The following ADGRB3 variants were observed in gnomAD, a reference collection of about 807,000 sequenced individuals.
ADGRB3 encodes the protein brain-specific angiogenesis inhibitor 3.
Under a neutral mutation model 193.4 loss-of-function variants are expected in ADGRB3, and 37 were observed. The observed-to-expected ratio is 0.19, with a 90% CI of 0.15 to 0.25. The LOEUF is 0.25. Ranked by LOEUF, ADGRB3 falls within the 10% of genes least tolerant of loss-of-function variation. The pLI, the probability that ADGRB3 is intolerant of heterozygous loss-of-function variation, is 1.00. For synonymous variants in ADGRB3, 690 were observed against 644.2 expected (o/e 1.07, Z -1.08); for missense variants, 1,637 against 1,852.9 (o/e 0.88, Z 2.14).
intron 17 of ADGRB3, among the ~76,000 whole-genome samples, chr6:69,118,409 AG>A (rs1380139991): frequency 6.6e-6 from 1 of 151,930 alleles, no homozygotes; most frequent in Admixed American, 6.6e-5. Flanking sequence ...TTTAGAATCA[AG>A]AAGATGCCTA....
chr6:68,896,465 T>C (rs147618383), intron 3 of ADGRB3, among the ~76,000 whole-genome samples: 616 of 152,268 alleles, frequency 4.0e-3, no homozygotes, highest in Non-Finnish European at 5.2e-3. Context: ...ACTTTAAAGT[T>C]ATGAAGTAAT....
chr6:69,186,686 C>T (rs147759403), intron 17 of ADGRB3, among the ~76,000 whole-genome samples: 1,667 of 152,180 alleles, frequency 0.011, 33 homozygotes, highest in African/African-American at 0.038. Context: ...TAACTTTGAA[C>T]CAAAAATCTG....
At chr6:68,979,949 C>T (rs996196628) in intron 10 of ADGRB3, among the ~76,000 whole-genome samples, 1 of 151,254 alleles carries the variant, frequency 6.6e-6, no homozygotes, top group Non-Finnish European at 1.5e-5. Flanking sequence ...AATGTATGCC[C>T]CTGTAGGTAG....
intron 17 of ADGRB3, among the ~76,000 whole-genome samples, chr6:69,159,374 A>G (rs1774927795): frequency 6.6e-6 from 1 of 152,054 alleles, no homozygotes; most frequent in East Asian, 1.9e-4. Context: ...TTCATATCTT[A>G]TTTCTTACCT....
chr6:68,993,998 G>A, intron 11 of ADGRB3, 36 bp downstream of exon 11: 1 of 1,597,356 alleles, frequency 6.3e-7, no homozygotes, highest in Non-Finnish European at 8.6e-7. Flanking sequence ...AAGGGCTAGT[G>A]AAGATGCAAT....
chr6:68,971,350 T>C (rs78707603), intron 8 of ADGRB3, among the ~76,000 whole-genome samples: 4,445 of 152,300 alleles, frequency 0.029, 83 homozygotes, highest in East Asian at 0.052. Context: ...ACCCTGTGTC[T>C]ACTAAAATCC....
intron 3 of ADGRB3, among the ~76,000 whole-genome samples, chr6:68,747,592 T>G (rs938380315): frequency 6.6e-6 from 1 of 152,208 alleles, no homozygotes; most frequent in Non-Finnish European, 1.5e-5. Flanking sequence ...TCTAAGTACT[T>G]TAAGTGGAAT....
chr6:69,309,068 G>A (rs1007270224), intron 20 of ADGRB3, among the ~76,000 whole-genome samples: 7 of 151,608 alleles, frequency 4.6e-5, no homozygotes, highest in Non-Finnish European at 5.9e-5. Flanking sequence ...ACAGTGATTG[G>A]TGAACTCCCC....
intron 17 of ADGRB3, among the ~76,000 whole-genome samples, chr6:69,226,411 A>G (rs1162065412): frequency 6.6e-6 from 1 of 152,244 alleles, no homozygotes; most frequent in African/African-American, 2.4e-5. Flanking sequence ...ACTATGTGTC[A>G]AGCAGTATGT....
At chr6:69,153,329 T>C (rs879621889) in intron 17 of ADGRB3, among the ~76,000 whole-genome samples, 2 of 151,048 alleles carry the variant, frequency 1.3e-5, no homozygotes, top group Non-Finnish European at 2.9e-5. Flanking sequence ...GGGAGTTGTA[T>C]TGTTGTCTCT....
chr6:69,234,449 G>T (rs887278829), intron 18 of ADGRB3, among the ~76,000 whole-genome samples: 2 of 151,992 alleles, frequency 1.3e-5, no homozygotes, highest in East Asian at 3.9e-4. Context: ...ATACTTGAAG[G>T]TTTTAAATTT....
chr6:69,144,741 C>G (rs181025377), intron 17 of ADGRB3, among the ~76,000 whole-genome samples: 2 of 152,064 alleles, frequency 1.3e-5, no homozygotes, highest in Non-Finnish European at 2.9e-5. Context: ...ACCATCCTTA[C>G]GTCCCCAGAA....
chr6:69,330,661 A>T, intron 23 of ADGRB3, 89 bp downstream of exon 23: 1 of 1,084,932 alleles, frequency 9.2e-7, no homozygotes, highest in Non-Finnish European at 1.3e-6. Flanking sequence ...TTGATAATGT[A>T]GTTCTTGTGT....
chr6:68,803,681 T>C (rs953310012), intron 3 of ADGRB3, among the ~76,000 whole-genome samples: 5 of 152,198 alleles, frequency 3.3e-5, no homozygotes, highest in African/African-American at 9.7e-5. Context: ...TTTCCAATAT[T>C]CCTGCCTTTT....
At chr6:68,656,849 T>A (rs1453364236) in intron 3 of ADGRB3, among the ~76,000 whole-genome samples, 2 of 151,630 alleles carry the variant, frequency 1.3e-5, no homozygotes, top group Non-Finnish European at 3.0e-5. Flanking sequence ...AAATATGAAC[T>A]TTATTTTCTG....
intron 28 of ADGRB3, among the ~76,000 whole-genome samples, chr6:69,356,086 G>C (rs1389561759): frequency 6.6e-6 from 1 of 152,120 alleles, no homozygotes; most frequent in Non-Finnish European, 1.5e-5. Context: ...TTACAGACAG[G>C]AGTGTAGTCT....
intron 5 of ADGRB3, among the ~76,000 whole-genome samples, chr6:68,942,698 C>T (rs541215060): frequency 1.3e-5 from 2 of 152,186 alleles, no homozygotes; most frequent in Non-Finnish European, 1.5e-5. Flanking sequence ...GCAGCCCCCA[C>T]CTTCCAGATT....
intron 4 of ADGRB3, among the ~76,000 whole-genome samples, chr6:68,933,223 A>G (rs1416122900): frequency 1.3e-5 from 2 of 152,146 alleles, no homozygotes; most frequent in Non-Finnish European, 1.5e-5. Context: ...AAACATGTTT[A>G]GAAAAGCAGT....
intron 3 of ADGRB3, among the ~76,000 whole-genome samples, chr6:68,843,455 A>G (rs1001409010): frequency 6.6e-6 from 1 of 152,074 alleles, no homozygotes; most frequent in Non-Finnish European, 1.5e-5. Context: ...ATGCCTAGAA[A>G]TTAACATAAG....
Sources: gnomAD v4.1 joint callset for allele counts (sites outside exome capture counted in the v4.1 genomes callset) on GRCh38, gnomAD v4.1.1 for gene constraint, MANE v1.5 for transcripts, NCBI Gene and HGNC (gene_info 2026-07-23, HGNC 2026-07-21) for gene names.